CD247: variants seen among roughly 807,000 people sequenced by gnomAD.
CD247 encodes the protein CD247 molecule, also known as T-cell surface glycoprotein CD3 zeta chain.
Under a neutral mutation model 30.0 loss-of-function variants are expected in CD247, and 13 were observed. That is an observed-to-expected ratio of 0.43 (90% CI 0.28 to 0.69). The LOEUF is 0.69. Ranked by LOEUF, CD247 falls within the 30% of genes least tolerant of loss-of-function variation. The pLI, the probability that CD247 is intolerant of heterozygous loss-of-function variation, is 0.16. For synonymous variants in CD247, 72 were observed against 80.0 expected (o/e 0.90, Z 0.53); for missense variants, 193 against 212.6 (o/e 0.91, Z 0.57).
chr1:167,470,242 T>C (rs1358031745), intron 1 of CD247, among the ~76,000 whole-genome samples: 9 of 152,094 alleles, frequency 5.9e-5, no homozygotes, highest in Admixed American at 5.2e-4. Context: ...ATATCATCCG[T>C]ATACTGTTGA....
Position 167,431,283 on chromosome 1 carries a change from TCAGACA to T in CD247, c.*392_*397del, listed in dbSNP as rs1651253572. 3.8e-6 allele frequency: 2 copies of T among 532,826 alleles called. No homozygotes were observed. The highest frequency in any genetic ancestry group is 1.9e-5 in the African/African-American group (1 of 53,254). 33.0% of individuals were successfully genotyped at this position (532,826 alleles called of 1,614,324 possible). A position where few individuals can be genotyped will look rare whatever the true frequency, so the allele number is the denominator to read the frequency against. On this transcript the variant is annotated 3_prime_UTR_variant, in exon 8 of 8. Transcript: ENST00000362089. Reference sequence around the variant, plus strand: ...AAATTTACAGCAGGAGTGAAGCCACTCAGACACAGAGTGATACAGACATTAGGGCAT... The same window carrying T: ...AAATTTACAGCAGGAGTGAAGCCACTCAGAGTGATACAGACATTAGGGCAT...
In CD247 at chr1:167,456,005, A is replaced by AC. The variant is rs547184867; in HGVS notation, c.59-15239dup. ...CAACCCTGAGAGGCTGGGCCTTCCCACCCCCCGCCCCCTCCCCCTTCCTCA... is the reference window on the plus strand; with the variant it reads ...CAACCCTGAGAGGCTGGGCCTTCCCACCCCCCCGCCCCCTCCCCCTTCCTCA... On this transcript the variant is annotated intron_variant, in intron 1 of 7. Coordinates refer to ENST00000362089, the MANE Select transcript of CD247 (RefSeq NM_198053.3). 4.4e-3 allele frequency among the ~76,000 whole-genome samples: 473 copies of AC among 106,374 alleles called. 1 individual carries two copies. Among genetic ancestry groups the AC allele is most frequent in the African/African-American group, 0.015 (445 of 29,654 alleles). The allele number at this position is 106,374 out of a possible 152,430, so 69.8% of individuals were successfully genotyped here.
intron 1 of CD247, among the ~76,000 whole-genome samples, chr1:167,509,726 G>A (rs1049389797): frequency 1.3e-5 from 2 of 152,160 alleles, no homozygotes; most frequent in Non-Finnish European, 2.9e-5. Context: ...CCACCTGCTT[G>A]TGTCACTTTA....
At chr1:167,480,274 A>G (rs1653923808) in intron 1 of CD247, among the ~76,000 whole-genome samples, 1 of 152,166 alleles carries the variant, frequency 6.6e-6, no homozygotes, top group Admixed American at 6.5e-5. Flanking sequence ...GGCGATGAAA[A>G]TGGGAAACCG....
At chr1:167,473,718 C>T (rs1017264908) in intron 1 of CD247, among the ~76,000 whole-genome samples, 1 of 152,090 alleles carries the variant, frequency 6.6e-6, no homozygotes, top group Non-Finnish European at 1.5e-5. Context: ...GTATAGAAAC[C>T]CCTCACCTAA....
intron 7 of CD247, among the ~76,000 whole-genome samples, chr1:167,432,596 G>A (rs980721553): frequency 6.6e-6 from 1 of 152,212 alleles, no homozygotes; most frequent in Non-Finnish European, 1.5e-5. Context: ...TTCTGAAGCT[G>A]CCATTTTTCT....
At chr1:167,455,508 G>A (rs950033365) in intron 1 of CD247, among the ~76,000 whole-genome samples, 10 of 152,320 alleles carry the variant, frequency 6.6e-5, no homozygotes, top group African/African-American at 2.4e-4. Flanking sequence ...TCCCAGCCCC[G>A]TGTTGCCGCC....
intron 1 of CD247, among the ~76,000 whole-genome samples, chr1:167,463,797 G>T (rs1653125131): frequency 1.3e-5 from 2 of 152,222 alleles, no homozygotes; most frequent in South Asian, 4.1e-4. Flanking sequence ...CCTATTGCCT[G>T]AATTTAAATC....
In CD247 at chr1:167,476,625, C is replaced by T. The variant is rs1653758815; in HGVS notation, c.59-35858G>A. On this transcript the variant is annotated intron_variant, in intron 1 of 7. Transcript: ENST00000362089. The stretch of plus-strand genomic sequence containing the variant: ...ATCTCTTGAGCTGAGAAGTTTGAGA[C>T]CAGCCTGTGCAACATAGTGAAACCC... Among the ~76,000 whole-genome samples the T allele has an allele frequency of 3.3e-5, 5 of 152,130 alleles. 1 individual carries two copies. In the South Asian group the frequency reaches 1.0e-3, roughly 31 times the overall value.
At chr1:167,438,867 G>A (rs1651677704) in intron 3 of CD247, among the ~76,000 whole-genome samples, 4 of 152,162 alleles carry the variant, frequency 2.6e-5, no homozygotes, top group African/African-American at 7.2e-5. Context: ...ATCCCCAAAG[G>A]TCACCAAGTA....
Position 167,494,454 on chromosome 1 carries a change from C to T in CD247, c.58+23954G>A, listed in dbSNP as rs7512892. ...GTGTGAGGAGGACCTCGGGAGAAAT[C>T]GCATAGCTCCCTGGGCTGCAGTTTT... On this transcript the variant is annotated intron_variant, in intron 1 of 7. Coordinates refer to ENST00000362089, the MANE Select transcript of CD247 (RefSeq NM_198053.3). This position sits in a 1 kb window ranked among gnomAD's most constrained non-coding sequence, Gnocchi z 7.3. Among the ~76,000 whole-genome samples the T allele has an allele frequency of 3.0e-3, 452 of 152,232 alleles. 6 individuals carry two copies. Among genetic ancestry groups the T allele is most frequent in the African/African-American group, 0.01 (417 of 41,552 alleles).
At chr1:167,483,734 C>T (rs1050444391) in intron 1 of CD247, among the ~76,000 whole-genome samples, 6 of 152,210 alleles carry the variant, frequency 3.9e-5, no homozygotes, top group African/African-American at 1.2e-4. Flanking sequence ...TGGGAGGTGG[C>T]ACAATGTGCC....
chr1:167,448,379 G>A (rs1652189463), intron 1 of CD247: 1 of 985,298 alleles, frequency 1.0e-6, no homozygotes, highest in South Asian at 4.7e-5. Context: ...GTGGTGAGAG[G>A]GGTCCTCACC....
chr1:167,432,118 G>T (rs561344602), intron 7 of CD247, among the ~76,000 whole-genome samples: 8 of 152,364 alleles, frequency 5.3e-5, no homozygotes, highest in African/African-American at 1.7e-4. Context: ...GGAGGGCCCA[G>T]ACCTGCTCCA....
At chr1:167,437,292 C>T (rs1024479250) in intron 4 of CD247, among the ~76,000 whole-genome samples, 1 of 152,028 alleles carries the variant, frequency 6.6e-6, no homozygotes, top group African/African-American at 2.4e-5. Context: ...GTAATCCCAG[C>T]TACTCGGGAG....
chr1:167,507,150 C>T (rs1655175890), intron 1 of CD247, among the ~76,000 whole-genome samples: 1 of 151,714 alleles, frequency 6.6e-6, no homozygotes. Flanking sequence ...AACTCCGGAC[C>T]CTGGGTGATC....
intron 1 of CD247, among the ~76,000 whole-genome samples, chr1:167,507,950 C>T (rs1655215645): frequency 6.6e-6 from 1 of 152,134 alleles, no homozygotes. Context: ...TGGTCTGAAA[C>T]CAAACGAGGA....
chr1:167,478,341 A>T (rs896821814), intron 1 of CD247, among the ~76,000 whole-genome samples: 2 of 152,264 alleles, frequency 1.3e-5, no homozygotes, highest in African/African-American at 4.8e-5. Context: ...CTGAGTACCT[A>T]ACATGGCAAA....
intron 1 of CD247, among the ~76,000 whole-genome samples, chr1:167,502,822 C>G (rs1224269078): frequency 2.0e-5 from 3 of 152,108 alleles, no homozygotes. Context: ...CCAAGGAACA[C>G]CAAAGATTGC....
Sources: gnomAD v4.1 joint callset for allele counts (sites outside exome capture counted in the v4.1 genomes callset) on GRCh38, gnomAD v4.1.1 for gene constraint, Gnocchi (gnomAD v3.1) non-coding constraint, MANE v1.5 for transcripts, NCBI Gene and HGNC (gene_info 2026-07-23, HGNC 2026-07-21) for gene names.